CLMN: variants seen among roughly 807,000 people sequenced by gnomAD.
CLMN encodes calmin (calponin-like, transmembrane).
In CLMN, 57 loss-of-function variants were observed where a neutral mutation model predicts 92.7. The ratio of observed to expected loss-of-function variants is 0.61; its 90% CI spans 0.50 to 0.77. The LOEUF (loss-of-function observed/expected upper bound fraction) is 0.77, where lower values mean the gene tolerates loss of function less well. CLMN is among the 30% of genes least tolerant of loss of function. The pLI, the probability that CLMN is intolerant of heterozygous loss-of-function variation, is 0.00. For missense variants in CLMN, 1,158 were observed against 1,237.5 expected (o/e 0.94, Z 0.96); for synonymous variants, 466 against 470.6 (o/e 0.99, Z 0.13).
intron 9 of CLMN, among the ~76,000 whole-genome samples, chr14:95,196,978 G>A (rs1312158899): frequency 6.6e-6 from 1 of 152,232 alleles, no homozygotes; most frequent in Non-Finnish European, 1.5e-5. Context: ...GGCTGAGTCA[G>A]CTCTGTGACC....
Position 95,203,996 on chromosome 14 carries a change from T to G in CLMN, c.1353A>C (p.Arg451Ser). 6.2e-7 allele frequency: 1 copy of G among 1,614,198 alleles called. No individual in the cohort carries two copies. Among genetic ancestry groups the G allele is most frequent in the East Asian group, 2.2e-5 (1 of 44,892 alleles). ...NLSLCFEGSP[R>S]VAKESLRQDG... The stretch of plus-strand genomic sequence containing the variant: ...CCTGCCTCAATGATTCCTTTGCCAC[T>G]CTTGGGCTCCCTTCAAAGCAAAGGG... Residue 451 changes from arginine (R) to serine (S), a missense_variant, in exon 9 of 13, where the codon AGA becomes AGC. Coordinates refer to ENST00000298912, the MANE Select transcript of CLMN (RefSeq NM_024734.4).
chr14:95,300,051 C>A (rs1900979540), intron 1 of CLMN, among the ~76,000 whole-genome samples: 1 of 152,228 alleles, frequency 6.6e-6, no homozygotes, highest in Non-Finnish European at 1.5e-5. Context: ...CTCTACAGAG[C>A]GAGACGCTCA....
chr14:95,201,374 C>T (rs911829717), intron 9 of CLMN, among the ~76,000 whole-genome samples: 6 of 151,636 alleles, frequency 4.0e-5, no homozygotes, highest in East Asian at 2.0e-4. Flanking sequence ...CCACCCCTCT[C>T]AAAGGCCTTC....
chr14:95,225,092 T>C (rs985084599), intron 2 of CLMN, among the ~76,000 whole-genome samples: 2 of 151,806 alleles, frequency 1.3e-5, no homozygotes, highest in Admixed American at 6.6e-5. Context: ...TGTGTATTTA[T>C]ATGTTTAGGT....
intron 1 of CLMN, among the ~76,000 whole-genome samples, chr14:95,263,244 G>A (rs943919255): frequency 9.9e-5 from 15 of 152,212 alleles, no homozygotes; most frequent in African/African-American, 3.6e-4. Context: ...GCAGCAAGGA[G>A]AAGTGCCAAA....
chr14:95,275,276 G>T (rs902573820), intron 1 of CLMN, among the ~76,000 whole-genome samples: 1 of 152,132 alleles, frequency 6.6e-6, no homozygotes, highest in Admixed American at 6.5e-5. Flanking sequence ...AAGACAGGAG[G>T]CCGGTGCAAG....
At chr14:95,227,334 A>G (rs1595594242) in intron 2 of CLMN, among the ~76,000 whole-genome samples, 1 of 152,306 alleles carries the variant, frequency 6.6e-6, no homozygotes, top group East Asian at 1.9e-4. Flanking sequence ...GCTTCGCTTC[A>G]AGGGCAACAG....
At chr14:95,207,851 T>C (rs1595568182) in intron 8 of CLMN, among the ~76,000 whole-genome samples, 1 of 152,182 alleles carries the variant, frequency 6.6e-6, no homozygotes, top group Non-Finnish European at 1.5e-5. Flanking sequence ...GAAGTTCTTC[T>C]GTACAAAACA....
chr14:95,288,709 T>C (rs1320655062), intron 1 of CLMN, among the ~76,000 whole-genome samples: 1 of 152,168 alleles, frequency 6.6e-6, no homozygotes, highest in Non-Finnish European at 1.5e-5. Flanking sequence ...TCCACCCCTG[T>C]GTATAAGCCA....
intron 1 of CLMN, among the ~76,000 whole-genome samples, chr14:95,245,193 TA>T (rs1432146082): frequency 0.044 from 1,696 of 38,868 alleles, 140 homozygotes; most frequent in African/African-American, 0.078. Flanking sequence ...TATATATATA[TA>T]ATATATATAT....
intron 6 of CLMN, among the ~76,000 whole-genome samples, chr14:95,212,363 G>A (rs1215243103): frequency 6.6e-6 from 1 of 152,176 alleles, no homozygotes; most frequent in African/African-American, 2.4e-5. Flanking sequence ...AGTTGGTTTG[G>A]TTTCCACCAC....
At chr14:95,319,655 G>A in intron 1 of CLMN, 56 bp downstream of exon 1, 1 of 1,426,140 alleles carries the variant, frequency 7.0e-7, no homozygotes, top group Non-Finnish European at 9.5e-7. Context: ...TGTCGGAGCG[G>A]CGCCCCGGGC....
chr14:95,191,603 G>A lies in CLMN; in HGVS notation c.2970C>T (p.Cys990=). The A allele has an allele frequency of 6.2e-7, 1 of 1,613,606 alleles. No homozygotes were observed. Among genetic ancestry groups the A allele is most frequent in the South Asian group, 1.1e-5 (1 of 91,062 alleles). The part of the protein sequence containing the change: ...FILFLWLLVY[C]LLLFPQLDVS... ...CATCCAGTTGTGGGAAGAGCAGCAAGCAGTACACCAGGAGCCACAGGAAGA... is the reference window on the plus strand; with the variant it reads ...CATCCAGTTGTGGGAAGAGCAGCAAACAGTACACCAGGAGCCACAGGAAGA... The change falls in exon 13 of 13, where the codon TGC becomes TGT. Residue 990 remains cysteine, a synonymous_variant. Coordinates refer to ENST00000298912, the MANE Select transcript of CLMN (RefSeq NM_024734.4). This position sits in a 1 kb window ranked among gnomAD's most constrained non-coding sequence, Gnocchi z 5.3.
At chr14:95,278,153 C>T (rs1349203189) in intron 1 of CLMN, among the ~76,000 whole-genome samples, 3 of 151,986 alleles carry the variant, frequency 2.0e-5, no homozygotes, top group Non-Finnish European at 4.4e-5. Flanking sequence ...CCTCATACAC[C>T]CATAGTTAAG....
chr14:95,287,931 G>A (rs1197916993), intron 1 of CLMN, among the ~76,000 whole-genome samples: 2 of 152,140 alleles, frequency 1.3e-5, no homozygotes, highest in Non-Finnish European at 2.9e-5. Context: ...GCACACCAAG[G>A]CATCACCTAC....
At chr14:95,268,119 A>G (rs1406174228) in intron 1 of CLMN, among the ~76,000 whole-genome samples, 1 of 152,222 alleles carries the variant, frequency 6.6e-6, no homozygotes, top group African/African-American at 2.4e-5. Context: ...TACAGTGACT[A>G]TGGTTGATAA....
At chr14:95,274,611 C>G (rs1884534) in intron 1 of CLMN, among the ~76,000 whole-genome samples, 15,058 of 152,266 alleles carry the variant, frequency 0.099, 824 homozygotes, top group African/African-American at 0.14. Context: ...AAGAACATCT[C>G]TAAACCCTGT....
At chr14:95,283,218 G>T (rs542769748) in intron 1 of CLMN, among the ~76,000 whole-genome samples, 15 of 152,302 alleles carry the variant, frequency 9.8e-5, no homozygotes, top group African/African-American at 3.6e-4. Flanking sequence ...GTTTATCAGG[G>T]GTTTTTGCTT....
In CLMN at chr14:95,202,821, AT is replaced by A. The variant is rs1052776880; in HGVS notation, c.2511+16del. ...CCCAGGCAGGACCCAGGGTTCCCAA[AT>A]CCCACGGTTGAGTACCTGATGGCTG... On this transcript the variant is annotated intron_variant, in intron 9 of 12. Coordinates refer to ENST00000298912, the MANE Select transcript of CLMN (RefSeq NM_024734.4). 3.3e-6 allele frequency: 5 copies of A among 1,508,252 alleles called. No individual in the cohort carries two copies. The African/African-American group carries it at 7.0e-5, about 21-fold the overall frequency. 93.4% of individuals were successfully genotyped at this position (1,508,252 alleles called of 1,614,324 possible).
Sources: gnomAD v4.1 joint callset for allele counts (sites outside exome capture counted in the v4.1 genomes callset) on GRCh38, gnomAD v4.1.1 for gene constraint, Gnocchi (gnomAD v3.1) non-coding constraint, MANE v1.5 for transcripts, NCBI Gene and HGNC (gene_info 2026-07-23, HGNC 2026-07-21) for gene names.